The following SPRYD3 variants were observed in gnomAD, a reference collection of about 807,000 sequenced individuals.
SPRYD3 encodes SPRY domain-containing protein 3.
A neutral mutation model predicts 50.1 loss-of-function variants in SPRYD3; 17 were observed. The observed-to-expected ratio is 0.34, with a 90% CI of 0.23 to 0.51. The LOEUF (loss-of-function observed/expected upper bound fraction) is 0.51, where lower values mean the gene tolerates loss of function less well. Among genes scored for constraint, SPRYD3 ranks in the 20% least tolerant of loss-of-function variants. The pLI, the probability that SPRYD3 is intolerant of heterozygous loss-of-function variation, is 0.97. For synonymous variants in SPRYD3, 198 were observed against 215.5 expected, an observed-to-expected ratio of 0.92 and a Z score of 0.71; for missense variants, 401 against 591.2, an observed-to-expected ratio of 0.68 and a Z score of 3.34.
chr12:53,074,874 C>A lies in SPRYD3; in HGVS notation c.372-90G>T. Reference sequence around the variant, plus strand: ...CAGCAGAGGCCTCATCCTCATCTTGCTGCTCCTGGTCATTCTGTGATGGTA... The same window carrying A: ...CAGCAGAGGCCTCATCCTCATCTTGATGCTCCTGGTCATTCTGTGATGGTA... On this transcript the variant is annotated intron_variant, in intron 4 of 10. Coordinates refer to ENST00000301463, the MANE Select transcript of SPRYD3 (RefSeq NM_032840.3). The surrounding 1 kb of genome is among the most constrained non-coding windows in gnomAD (Gnocchi z 4.6). The A allele has an allele frequency of 6.6e-7, 1 of 1,516,398 alleles. No individual in the cohort carries two copies. Among genetic ancestry groups the A allele is most frequent in the South Asian group, 1.2e-5 (1 of 84,538 alleles). The allele number at this position is 1,516,398 out of a possible 1,614,324, so 93.9% of individuals were successfully genotyped here.
intron 1 of SPRYD3, chr12:53,078,154 G>C: frequency 6.7e-6 from 3 of 447,992 alleles, no homozygotes; most frequent in Non-Finnish European, 1.3e-5. Flanking sequence ...ATTCCAGCCT[G>C]GCTGACAGAG....
intron 6 of SPRYD3, among the ~76,000 whole-genome samples, chr12:53,069,944 C>A (rs1944537366): frequency 6.6e-6 from 1 of 152,176 alleles, no homozygotes; most frequent in Non-Finnish European, 1.5e-5. Flanking sequence ...TTTCCAGAGC[C>A]AAAAGACAGC....
intron 6 of SPRYD3, among the ~76,000 whole-genome samples, chr12:53,071,387 C>T (rs1314385252): frequency 2.0e-5 from 3 of 152,208 alleles, no homozygotes; most frequent in Non-Finnish European, 4.4e-5. Flanking sequence ...AGCTCCCCTC[C>T]ACCACATTAC....
intron 6 of SPRYD3, 30 bp downstream of exon 6, chr12:53,073,256 G>GCCCCCGGGGGGGGGGGC: frequency 2.4e-5 from 10 of 424,132 alleles, no homozygotes; most frequent in African/African-American, 4.4e-5. Flanking sequence ...CTCCGACCCA[G>GCCCCCGGGGGGGGGGGC]CCCCTCCCAC....
At chr12:53,069,801 G>A (rs935819395) in intron 6 of SPRYD3, among the ~76,000 whole-genome samples, 4 of 152,120 alleles carry the variant, frequency 2.6e-5, no homozygotes, top group African/African-American at 7.2e-5. Context: ...AACTAGTTTA[G>A]ACTCCACCCA....
rs547119748 is a variant in SPRYD3 at position 53,079,167 on chromosome 12, G to A, written c.23+144C>T. On this transcript the variant is annotated intron_variant, in intron 1 of 10. Coordinates refer to ENST00000301463, the MANE Select transcript of SPRYD3 (RefSeq NM_032840.3). ...CTCCCCAGGCCCTGCACTGGGCCGA[G>A]GGTGCAGCAACAGAAGAAGCCCAGT... 4.6e-6 allele frequency: 4 copies of A among 865,008 alleles called. No homozygotes were observed. The South Asian group carries it at 4.9e-5, about 11-fold the overall frequency. 53.6% of individuals were successfully genotyped at this position (865,008 alleles called of 1,614,324 possible).
intron 6 of SPRYD3, among the ~76,000 whole-genome samples, chr12:53,069,267 G>A (rs984983640): frequency 3.3e-5 from 5 of 151,962 alleles, no homozygotes; most frequent in African/African-American, 4.8e-5. Context: ...TGCCCCTCAC[G>A]ACTTTCTTCT....
chr12:53,070,409 T>C (rs557658621), intron 6 of SPRYD3, among the ~76,000 whole-genome samples: 1 of 152,330 alleles, frequency 6.6e-6, no homozygotes, highest in East Asian at 1.9e-4. Context: ...CCTTGGTCTA[T>C]AGCTGTTAGG....
chr12:53,069,658 C>T (rs752205668), intron 6 of SPRYD3, among the ~76,000 whole-genome samples: 2 of 152,188 alleles, frequency 1.3e-5, no homozygotes, highest in African/African-American at 4.8e-5. Context: ...GCAGCATGCA[C>T]GGGAGACCAC....
Position 53,077,047 on chromosome 12 carries a change from A to G in SPRYD3, c.170+68T>C. On this transcript the variant is annotated intron_variant, in intron 2 of 10. Transcript: ENST00000301463. ...TCTCTGAAAAAATAAAAGTTAAAAA[A>G]AAAAAACCCTTTCCTCTCTAAGATC... 2.6e-6 allele frequency: 4 copies of G among 1,540,164 alleles called. No homozygotes were observed. The South Asian group carries it at 4.7e-5, about 18-fold the overall frequency.
chr12:53,067,855 G>T, intron 7 of SPRYD3, 150 bp from the exon 8 acceptor site: 1 of 780,548 alleles, frequency 1.3e-6, no homozygotes, highest in African/African-American at 1.7e-5. Context: ...GGGGCTTCAG[G>T]GGAACCAGGG....
intron 3 of SPRYD3, 46 bp downstream of exon 3, chr12:53,075,690 A>AC: frequency 6.8e-7 from 1 of 1,464,152 alleles, no homozygotes; most frequent in Non-Finnish European, 9.6e-7. Context: ...TAATGATCTC[A>AC]CCCCCAAGCT....
Position 53,079,337 on chromosome 12 carries a change from T to C in SPRYD3, c.-4A>G, listed in dbSNP as rs771798222. On this transcript the variant is annotated 5_prime_UTR_variant, in exon 1 of 11. It removes an upstream start codon present in the reference 5' UTR. Coordinates refer to ENST00000301463, the MANE Select transcript of SPRYD3 (RefSeq NM_032840.3). ...GGGGCCGCCGCGTCCTCCTCATCCATAGGCCTCTCAGCTCCGCACACAAGC... is the reference window on the plus strand; with the variant it reads ...GGGGCCGCCGCGTCCTCCTCATCCACAGGCCTCTCAGCTCCGCACACAAGC... 6.2e-7 allele frequency: 1 copy of C among 1,608,106 alleles called. No individual in the cohort carries two copies. The highest frequency in any genetic ancestry group is 8.5e-7 in the Non-Finnish European group (1 of 1,177,626).
chr12:53,065,785 C>T lies in SPRYD3; in HGVS notation c.*47G>A. 1 of 1,584,016 alleles carries T rather than the reference C, an allele frequency of 6.3e-7. No individual in the cohort carries two copies. Among genetic ancestry groups the T allele is most frequent in the Admixed American group, 1.7e-5 (1 of 57,602 alleles). On this transcript the variant is annotated 3_prime_UTR_variant, in exon 11 of 11. Coordinates refer to ENST00000301463, the MANE Select transcript of SPRYD3 (RefSeq NM_032840.3). ...GGAAGTCAGGAACTGGGTGCCTGGC[C>T]CAGCAGAGGGTGAGCAGGGAGAAGG...
rs1000135073 is a variant in SPRYD3, at chr12:53,065,736, C to A, written c.*96G>T. ...CAGAGTGACTACACACCTCCAGGGG[C>A]CTGCTGGGTAAACGAAGCCTCTGGG... On this transcript the variant is annotated 3_prime_UTR_variant, in exon 11 of 11. Coordinates refer to ENST00000301463, the MANE Select transcript of SPRYD3 (RefSeq NM_032840.3). 7 of 1,329,776 alleles carry A rather than the reference C, an allele frequency of 5.3e-6. No individual in the cohort carries two copies. Among genetic ancestry groups the A allele is most frequent in the Admixed American group, 4.0e-5 (2 of 50,554 alleles). The allele number at this position is 1,329,776 out of a possible 1,614,324, so 82.4% of individuals were successfully genotyped here. A position where few individuals can be genotyped will look rare whatever the true frequency, so the allele number is the denominator to read the frequency against.
chr12:53,066,234 G>T (rs948171848), intron 10 of SPRYD3, 80 bp downstream of exon 10: 9 of 1,556,334 alleles, frequency 5.8e-6, no homozygotes, highest in Non-Finnish European at 7.8e-6. Context: ...CACCCTGGTT[G>T]TGAGTTCTGT....
Position 53,074,635 on chromosome 12 carries a change from T to G in SPRYD3, c.507+14A>C, listed in dbSNP as rs2277329. On this transcript the variant is annotated intron_variant, in intron 5 of 10. Coordinates refer to ENST00000301463, the MANE Select transcript of SPRYD3 (RefSeq NM_032840.3). The surrounding 1 kb of genome is among the most constrained non-coding windows in gnomAD (Gnocchi z 4.6). The stretch of plus-strand genomic sequence containing the variant: ...ATTTCAGCCACGTAAATCCCACCAC[T>G]ATTTCCCACTCACCCGCTTCCCATT... 0.23 allele frequency: 373,114 copies of G among 1,613,838 alleles called. 47,032 individuals are homozygous for G. The highest frequency in any genetic ancestry group is 0.51 in the African/African-American group (38,568 of 74,942).
intron 2 of SPRYD3, among the ~76,000 whole-genome samples, chr12:53,076,255 C>T (rs1944588117): frequency 6.6e-6 from 1 of 152,232 alleles, no homozygotes; most frequent in Admixed American, 6.5e-5. Flanking sequence ...TCCCACTCCT[C>T]AGCTTTCTTG....
In SPRYD3 at chr12:53,065,891, T is replaced by A; in HGVS notation, c.1270A>T (p.Ile424Phe). 6.2e-7 allele frequency: 1 copy of A among 1,613,952 alleles called. No homozygotes were observed. The highest frequency in any genetic ancestry group is 8.5e-7 in the Non-Finnish European group (1 of 1,179,898). ...VVPSGGFFPT[I>F]GMLSCGEKVK... ...TTCTCCCCGCAGCTCAGCATTCCAATGGTGGGGAAGAAGCCTCCAGAAGGA... is the reference window on the plus strand; with the variant it reads ...TTCTCCCCGCAGCTCAGCATTCCAAAGGTGGGGAAGAAGCCTCCAGAAGGA... The change falls in exon 11 of 11, where the codon ATT (isoleucine) becomes TTT (phenylalanine). Residue 424 changes from isoleucine (I) to phenylalanine (F), a missense_variant. Ile to Phe is a conservative substitution (Grantham distance 21). Transcript: ENST00000301463.
Sources: allele counts gnomAD v4.1 joint callset (sites outside exome capture counted in the v4.1 genomes callset), GRCh38; gene constraint gnomAD v4.1.1; non-coding constraint Gnocchi (gnomAD v3.1); transcripts MANE v1.5; gene names NCBI Gene and HGNC (gene_info 2026-07-23, HGNC 2026-07-21).